Variants in TIMP2 observed in about 807,000 individuals in gnomAD.
The protein encoded by TIMP2 is TIMP metallopeptidase inhibitor 2.
Under a neutral mutation model 24.3 loss-of-function variants are expected in TIMP2, and 5 were observed. The ratio of observed to expected loss-of-function variants is 0.21; its 90% CI spans 0.11 to 0.43. The LOEUF is 0.43. Among genes scored for constraint, TIMP2 ranks in the 20% least tolerant of loss-of-function variants. The pLI, the probability that TIMP2 is intolerant of heterozygous loss-of-function variation, is 1.00. For missense variants in TIMP2, 221 were observed against 297.5 expected, an observed-to-expected ratio of 0.74 and a Z score of 1.89; for synonymous variants, 130 against 123.2, an observed-to-expected ratio of 1.06 and a Z score of -0.37.
At position 78,896,459 on chromosome 17, in the gene TIMP2, G is replaced by A. The variant is rs923392310; in HGVS notation, c.131-22540C>T. Among the ~76,000 whole-genome samples, 2 of 152,120 alleles carry A rather than the reference G, an allele frequency of 1.3e-5. No individual in the cohort carries two copies. Among genetic ancestry groups the A allele is most frequent in the African/African-American group, 4.8e-5 (2 of 41,412 alleles). On this transcript the variant is annotated intron_variant, in intron 1 of 4. Transcript: ENST00000262768. This position sits in a 1 kb window ranked among gnomAD's most constrained non-coding sequence, Gnocchi z 4.4. ...TGAAGACAGCCATGGTTCCAATCAG[G>A]GCCCTCGCTACAGCTCCCCTCCCAG...
In TIMP2 at chr17:78,920,723, A is replaced by G. The variant is rs1401547122; in HGVS notation, c.130+4236T>C. On this transcript the variant is annotated intron_variant, in intron 1 of 4. Transcript: ENST00000262768. This position sits in a 1 kb window ranked among gnomAD's most constrained non-coding sequence, Gnocchi z 4.5. ...TGAATTTTGGTTATTTCGAAAGTTT[A>G]TCTGTTGTTAATTATTTACCGAAAC... 6.6e-6 allele frequency among the ~76,000 whole-genome samples: 1 copy of G among 152,152 alleles called. No individual in the cohort carries two copies. The highest frequency in any genetic ancestry group is 1.5e-5 in the Non-Finnish European group (1 of 68,028).
chr17:78,856,195 G>C (rs1272747124), intron 4 of TIMP2: 1 of 346,366 alleles, frequency 2.9e-6, no homozygotes, highest in Admixed American at 3.9e-5. Context: ...AAAAGGGCCT[G>C]GGTTTCCTGG....
intron 1 of TIMP2, among the ~76,000 whole-genome samples, chr17:78,911,114 C>A (rs1207721849): frequency 6.6e-6 from 1 of 152,192 alleles, no homozygotes; most frequent in Non-Finnish European, 1.5e-5. Flanking sequence ...CTTGCCTGAG[C>A]TGGGCCTTTC....
chr17:78,914,255 CTATTCATTTATTTATTTATTTATT>C (rs1331576243), intron 1 of TIMP2, among the ~76,000 whole-genome samples: 5 of 106,666 alleles, frequency 4.7e-5, no homozygotes, highest in African/African-American at 8.9e-5. Context: ...GAAATTTTGG[CTATTCATTTATTTATTTATTTATT>C]TATTTATTTA....
At chr17:78,875,539 C>G (rs969659034) in intron 1 of TIMP2, among the ~76,000 whole-genome samples, 1 of 152,118 alleles carries the variant, frequency 6.6e-6, no homozygotes, top group African/African-American at 2.4e-5. Context: ...TAGAGCCCTC[C>G]CTTTCTTAAT....
At position 78,896,842 on chromosome 17, in the gene TIMP2, G is replaced by T; in HGVS notation, c.131-22923C>A. ...CTCTCTACAGCCCCGTGGCCCCAGC[G>T]CAGGAGCCAGCCCATGGCAGCTCCA... On this transcript the variant is annotated intron_variant, in intron 1 of 4. Coordinates refer to ENST00000262768, the MANE Select transcript of TIMP2 (RefSeq NM_003255.5). This position sits in a 1 kb window ranked among gnomAD's most constrained non-coding sequence, Gnocchi z 4.4. The T allele has an allele frequency of 1.2e-6, 1 of 825,814 alleles. No homozygotes were observed. Among genetic ancestry groups the T allele is most frequent in the Non-Finnish European group, 1.5e-6 (1 of 684,308 alleles). 51.2% of individuals were successfully genotyped at this position (825,814 alleles called of 1,614,324 possible). A position where few individuals can be genotyped will look rare whatever the true frequency, so the allele number is the denominator to read the frequency against.
At chr17:78,923,360 T>C (rs1239551618) in intron 1 of TIMP2, among the ~76,000 whole-genome samples, 1 of 116,298 alleles carries the variant, frequency 8.6e-6, no homozygotes, top group Non-Finnish European at 1.6e-5. Flanking sequence ...CTGGACATTC[T>C]CCCACACAGC....
chr17:78,864,990 G>A (rs974621316), intron 3 of TIMP2, among the ~76,000 whole-genome samples: 2 of 152,100 alleles, frequency 1.3e-5, no homozygotes, highest in African/African-American at 4.8e-5. Context: ...GGGGGCGGAA[G>A]TTGCAGTGAG....
At chr17:78,888,422 C>T (rs190041118) in intron 1 of TIMP2, among the ~76,000 whole-genome samples, 45 of 151,842 alleles carry the variant, frequency 3.0e-4, no homozygotes, top group Non-Finnish European at 5.4e-4. Flanking sequence ...GGCCTCCCAA[C>T]GTGCTGGGAT....
chr17:78,858,336 A>G (rs1041744867), intron 3 of TIMP2, among the ~76,000 whole-genome samples: 1 of 151,272 alleles, frequency 6.6e-6, no homozygotes, highest in African/African-American at 2.4e-5. Flanking sequence ...CCAGCTACTC[A>G]GGAGGCTGAG....
At chr17:78,902,944 G>A (rs1213408304) in intron 1 of TIMP2, among the ~76,000 whole-genome samples, 1 of 152,180 alleles carries the variant, frequency 6.6e-6, no homozygotes, top group African/African-American at 2.4e-5. Flanking sequence ...CCTGTGGGGA[G>A]CCCCGTGGTG....
intron 1 of TIMP2, among the ~76,000 whole-genome samples, chr17:78,878,442 A>G (rs1290776888): frequency 6.6e-6 from 1 of 152,144 alleles, no homozygotes; most frequent in Non-Finnish European, 1.5e-5. Flanking sequence ...CATCGCATAG[A>G]CAAGCAGGGC....
chr17:78,906,750 T>G (rs2070162141), intron 1 of TIMP2, among the ~76,000 whole-genome samples: 1 of 150,692 alleles, frequency 6.6e-6, no homozygotes, highest in African/African-American at 2.4e-5. Flanking sequence ...ACCTGGCTAA[T>G]TTTTGTATTT....
intron 1 of TIMP2, among the ~76,000 whole-genome samples, chr17:78,886,740 T>C (rs574070594): frequency 2.2e-3 from 330 of 152,146 alleles, no homozygotes; most frequent in African/African-American, 7.4e-3. Context: ...TCTTTTTTTT[T>C]CCCCCTAAGA....
intron 1 of TIMP2, among the ~76,000 whole-genome samples, chr17:78,876,203 G>C (rs998624519): frequency 6.6e-6 from 1 of 151,890 alleles, no homozygotes; most frequent in Non-Finnish European, 1.5e-5. Context: ...CCTAAAATAT[G>C]AGCGCCTTTG....
chr17:78,873,973 G>T, intron 1 of TIMP2, 54 bp from the exon 2 acceptor site: 1 of 1,535,812 alleles, frequency 6.5e-7, no homozygotes, highest in Middle Eastern at 1.7e-4. Context: ...CGCTCCTGGG[G>T]CTAAGGAGAG....
chr17:78,890,766 C>A (rs1371320288), intron 1 of TIMP2: 12 of 1,550,522 alleles, frequency 7.7e-6, no homozygotes, highest in Non-Finnish European at 9.6e-6. Flanking sequence ...TCGTCGTCGG[C>A]GAGGCTGGTG....
chr17:78,877,960 C>T (rs535999761), intron 1 of TIMP2, among the ~76,000 whole-genome samples: 2 of 152,276 alleles, frequency 1.3e-5, no homozygotes, highest in African/African-American at 4.8e-5. Flanking sequence ...CCTGCCTCGG[C>T]CTCCCAACGT....
chr17:78,883,794 C>A (rs2069800096), intron 1 of TIMP2, among the ~76,000 whole-genome samples: 1 of 152,190 alleles, frequency 6.6e-6, no homozygotes, highest in Non-Finnish European at 1.5e-5. Flanking sequence ...GCCGCCCTCT[C>A]TGCCCAGCCT....
Sources: gnomAD v4.1 joint callset for allele counts (sites outside exome capture counted in the v4.1 genomes callset) on GRCh38, gnomAD v4.1.1 for gene constraint, Gnocchi (gnomAD v3.1) non-coding constraint, MANE v1.5 for transcripts, NCBI Gene and HGNC (gene_info 2026-07-23, HGNC 2026-07-21) for gene names.